The following GALNT18 variants were observed in gnomAD, a reference collection of about 807,000 sequenced individuals.
GALNT18 encodes polypeptide N-acetylgalactosaminyltransferase 18.
Under a neutral mutation model 69.5 loss-of-function variants are expected in GALNT18, and 44 were observed. The ratio of observed to expected loss-of-function variants is 0.63; its 90% confidence interval spans 0.50 to 0.81. GALNT18 has a LOEUF of 0.81. Ranked by LOEUF, GALNT18 falls within the 40% of genes least tolerant of loss-of-function variation. GALNT18 has a pLI of 0.00. For missense variants in GALNT18, 715 were observed against 810.0 expected, an observed-to-expected ratio of 0.88 and a Z score of 1.42; for synonymous variants, 364 against 318.2, an observed-to-expected ratio of 1.14 and a Z score of -1.53.
At chr11:11,446,019 C>G (rs977973332) in intron 2 of GALNT18, among the ~76,000 whole-genome samples, 30 of 152,156 alleles carry the variant, frequency 2.0e-4, no homozygotes, top group African/African-American at 6.5e-4. Context: ...CACATGCGCT[C>G]TCATTGTGCA....
Position 11,620,188 on chromosome 11 carries a change from A to T in GALNT18, c.235+1171T>A, listed in dbSNP as rs1369088407. On this transcript the variant is annotated intron_variant, in intron 1 of 10. Transcript: ENST00000227756. The surrounding 1 kb of genome is among the most constrained non-coding windows in gnomAD (Gnocchi z 6.9). ...CAATTCGATTTTGCCAAGGTCTGCC[A>T]TGCACTGGCCCCTGAGCCTGGTGGG... is the stretch of plus-strand genomic sequence containing the variant. 6.6e-6 allele frequency among the ~76,000 whole-genome samples: 1 copy of T among 152,090 alleles called. No individual in the cohort carries two copies. Among genetic ancestry groups the T allele is most frequent in the African/African-American group, 2.4e-5 (1 of 41,412 alleles).
chr11:11,377,150 C>T lies in GALNT18; in HGVS notation c.977+32G>A, dbSNP rs774246053. 20 of 1,600,970 alleles carry T rather than the reference C, an allele frequency of 1.2e-5. No individual in the cohort carries two copies. The Admixed American group carries it at 2.0e-4, about 16-fold the overall frequency. On this transcript the variant is annotated intron_variant, in intron 5 of 10. Transcript: ENST00000227756. This position sits in a 1 kb window ranked among gnomAD's most constrained non-coding sequence, Gnocchi z 4.6. ...GCGGTCCCTAGCCTGGAGGTCAAAG[C>T]GGAGAGACCCACAGGTAAAGGTTTG...
chr11:11,297,906 T>C (rs1323650998), intron 9 of GALNT18, among the ~76,000 whole-genome samples: 4 of 152,174 alleles, frequency 2.6e-5, no homozygotes, highest in African/African-American at 9.7e-5. Context: ...CAAAATCACC[T>C]GCAAGGTAAA....
chr11:11,304,057 G>A (rs1849538546), intron 9 of GALNT18, among the ~76,000 whole-genome samples: 1 of 152,136 alleles, frequency 6.6e-6, no homozygotes, highest in Non-Finnish European at 1.5e-5. Context: ...CTGTTACAAA[G>A]AGCCAAGTAG....
At position 11,386,535 on chromosome 11, in the gene GALNT18, T is replaced by C. The variant is rs74635568; in HGVS notation, c.596-7271A>G. Among the ~76,000 whole-genome samples, 543 of 152,334 alleles carry C rather than the reference T, an allele frequency of 3.6e-3. 5 individuals carry two copies. Among genetic ancestry groups the C allele is most frequent in the African/African-American group, 0.013 (524 of 41,570 alleles). ...CAACTCTTGACCTATACGCATAATG[T>C]GTATGGATGTGTGTTTGATGGCTTA... On this transcript the variant is annotated intron_variant, in intron 3 of 10. Transcript: ENST00000227756.
chr11:11,534,469 T>C lies in GALNT18; in HGVS notation c.236-85533A>G, dbSNP rs186288240. 2.0e-3 allele frequency among the ~76,000 whole-genome samples: 302 copies of C among 152,370 alleles called. 1 individual carries two copies. Among genetic ancestry groups the C allele is most frequent in the Middle Eastern group, 6.8e-3 (2 of 294 alleles). Reference sequence around the variant, plus strand: ...AATGCCAACTCCATGCCAGACCCTGTGCTGGATGCTGCTGATGCAAAAGTG... The same window carrying C: ...AATGCCAACTCCATGCCAGACCCTGCGCTGGATGCTGCTGATGCAAAAGTG... On this transcript the variant is annotated intron_variant, in intron 1 of 10. Transcript: ENST00000227756.
chr11:11,305,677 A>T (rs1026796948), intron 9 of GALNT18, among the ~76,000 whole-genome samples: 1 of 152,062 alleles, frequency 6.6e-6, no homozygotes, highest in Non-Finnish European at 1.5e-5. Context: ...ACCTCCGAGG[A>T]TGTTGGCAGA....
In GALNT18 at chr11:11,396,537, C is replaced by T. The variant is rs1200426355; in HGVS notation, c.596-17273G>A. On this transcript the variant is annotated intron_variant, in intron 3 of 10. Coordinates refer to ENST00000227756, the MANE Select transcript of GALNT18 (RefSeq NM_198516.3). The surrounding 1 kb of genome is among the most constrained non-coding windows in gnomAD (Gnocchi z 5.2). ...CTCCTCAGAAGTCTACATAGCAACACGGACAGCTTGGTAACAAACAAAGAA... is the reference window on the plus strand; with the variant it reads ...CTCCTCAGAAGTCTACATAGCAACATGGACAGCTTGGTAACAAACAAAGAA... Among the ~76,000 whole-genome samples the T allele has an allele frequency of 1.3e-5, 2 of 152,038 alleles. No homozygotes were observed. Among genetic ancestry groups the T allele is most frequent in the African/African-American group, 4.8e-5 (2 of 41,376 alleles).
chr11:11,344,555 T>A (rs1281841219), intron 6 of GALNT18, among the ~76,000 whole-genome samples: 1 of 152,204 alleles, frequency 6.6e-6, no homozygotes, highest in Non-Finnish European at 1.5e-5. Flanking sequence ...AGGTGGGGCA[T>A]CTGGGCCAGG....
intron 9 of GALNT18, among the ~76,000 whole-genome samples, chr11:11,319,265 A>G (rs1300733882): frequency 6.6e-6 from 1 of 152,226 alleles, no homozygotes; most frequent in East Asian, 1.9e-4. Context: ...AATCCAAGTC[A>G]TGAAGCTCAA....
chr11:11,407,334 C>A (rs1466225198), intron 3 of GALNT18, among the ~76,000 whole-genome samples: 1 of 152,166 alleles, frequency 6.6e-6, no homozygotes, highest in African/African-American at 2.4e-5. Context: ...CTGAAAGCAC[C>A]CTCCAATCAG....
At chr11:11,353,080 C>T (rs758556224) in intron 6 of GALNT18, 18 of 1,614,198 alleles carry the variant, frequency 1.1e-5, no homozygotes, top group Non-Finnish European at 1.5e-5. Context: ...GTATTAACAT[C>T]TGTGTAAACT....
chr11:11,533,601 C>T (rs988477996), intron 1 of GALNT18, among the ~76,000 whole-genome samples: 5 of 152,202 alleles, frequency 3.3e-5, no homozygotes, highest in African/African-American at 1.2e-4. Context: ...CCACTCTCTC[C>T]ACACTGCCTC....
At chr11:11,533,937 T>A (rs968025462) in intron 1 of GALNT18, among the ~76,000 whole-genome samples, 13 of 152,228 alleles carry the variant, frequency 8.5e-5, no homozygotes, top group African/African-American at 3.1e-4. Flanking sequence ...GTCTGTCATG[T>A]ACCCCAGCCC....
chr11:11,577,141 T>G (rs937820177), intron 1 of GALNT18, among the ~76,000 whole-genome samples: 1 of 152,210 alleles, frequency 6.6e-6, no homozygotes, highest in South Asian at 2.1e-4. Flanking sequence ...ACATCTGCAG[T>G]GCGGATGAAA....
intron 1 of GALNT18, among the ~76,000 whole-genome samples, chr11:11,557,548 T>C (rs1362728340): frequency 2.0e-5 from 3 of 152,108 alleles, no homozygotes; most frequent in Non-Finnish European, 4.4e-5. Context: ...ATCTGAAAAA[T>C]AGGGATAAAA....
chr11:11,445,546 C>T (rs1855628621), intron 2 of GALNT18, among the ~76,000 whole-genome samples: 1 of 152,226 alleles, frequency 6.6e-6, no homozygotes, highest in African/African-American at 2.4e-5. Flanking sequence ...AAAGGAGGCA[C>T]TGTTTTACCT....
At chr11:11,290,393 C>A (rs898142506) in intron 10 of GALNT18, among the ~76,000 whole-genome samples, 1 of 152,188 alleles carries the variant, frequency 6.6e-6, no homozygotes, top group Non-Finnish European at 1.5e-5. Context: ...CTTTCAAAAT[C>A]CCAGACCTAA....
At position 11,436,335 on chromosome 11, in the gene GALNT18, T is replaced by C. The variant is rs1201880241; in HGVS notation, c.429-3548A>G. ...CTATCTTACGTTTTCCAACTTCCCC[T>C]CCCTCCCAACCCACAAATGCCACAG... On this transcript the variant is annotated intron_variant, in intron 2 of 10. Coordinates refer to ENST00000227756, the MANE Select transcript of GALNT18 (RefSeq NM_198516.3). The surrounding 1 kb of genome is among the most constrained non-coding windows in gnomAD (Gnocchi z 4.5). 1.4e-5 allele frequency among the ~76,000 whole-genome samples: 2 copies of C among 145,330 alleles called. No homozygotes were observed. The highest frequency in any genetic ancestry group is 5.0e-5 in the African/African-American group (2 of 40,078).
Sources: gnomAD v4.1 joint callset for allele counts (sites outside exome capture counted in the v4.1 genomes callset) on GRCh38, gnomAD v4.1.1 for gene constraint, Gnocchi (gnomAD v3.1) non-coding constraint, MANE v1.5 for transcripts, NCBI Gene and HGNC (gene_info 2026-07-23, HGNC 2026-07-21) for gene names.